The following C1orf21 variants were observed in gnomAD, a reference collection of about 807,000 sequenced individuals.
C1orf21 encodes chromosome 1 open reading frame 21, also known as uncharacterized protein C1orf21.
In C1orf21, 3 loss-of-function variants were observed where a neutral mutation model predicts 18.7. The ratio of observed to expected loss-of-function variants is 0.16; its 90% CI spans 0.07 to 0.42. The LOEUF is 0.42. Ranked by LOEUF, C1orf21 falls within the 10% of genes least tolerant of loss-of-function variation. The pLI, the probability that C1orf21 is intolerant of heterozygous loss-of-function variation, is 0.99. For synonymous variants in C1orf21, 41 were observed against 46.4 expected (o/e 0.88, Z 0.47); for missense variants, 104 against 143.6 (o/e 0.72, Z 1.41).
chr1:184,448,035 T>G (rs1418008394), intron 1 of C1orf21, among the ~76,000 whole-genome samples: 1 of 152,194 alleles, frequency 6.6e-6, no homozygotes, highest in Non-Finnish European at 1.5e-5. Context: ...ACCACCACCC[T>G]ACCCGCTTCT....
chr1:184,581,335 C>T (rs757293231), intron 3 of C1orf21, among the ~76,000 whole-genome samples: 5 of 151,408 alleles, frequency 3.3e-5, no homozygotes, highest in South Asian at 2.1e-4. Flanking sequence ...GAGGCTGAGG[C>T]GGGAGAATTG....
At chr1:184,532,736 G>T (rs1165060723) in intron 3 of C1orf21, among the ~76,000 whole-genome samples, 1 of 152,042 alleles carries the variant, frequency 6.6e-6, no homozygotes, top group African/African-American at 2.4e-5. Flanking sequence ...AACAAATCAA[G>T]AACTTGTTTC....
chr1:184,449,749 G>C (rs1657094692), intron 1 of C1orf21, among the ~76,000 whole-genome samples: 1 of 152,146 alleles, frequency 6.6e-6, no homozygotes, highest in South Asian at 2.1e-4. Flanking sequence ...TACAGTACCA[G>C]TCAAAATTAA....
intron 2 of C1orf21, among the ~76,000 whole-genome samples, chr1:184,503,403 C>G (rs1258846749): frequency 6.6e-6 from 1 of 151,810 alleles, no homozygotes; most frequent in Non-Finnish European, 1.5e-5. Context: ...AGAGTCAGCC[C>G]TAGTTATCTG....
intron 2 of C1orf21, among the ~76,000 whole-genome samples, chr1:184,495,872 C>T (rs1308776993): frequency 1.4e-5 from 2 of 141,010 alleles, no homozygotes; most frequent in African/African-American, 5.4e-5. Context: ...GAGCCAAGAT[C>T]GTGCCACTGC....
At chr1:184,426,915 C>T (rs775095467) in intron 1 of C1orf21, among the ~76,000 whole-genome samples, 8 of 152,110 alleles carry the variant, frequency 5.3e-5, no homozygotes, top group Admixed American at 1.3e-4. Context: ...TGAGACCCTC[C>T]TGTGTGCAGG....
intron 1 of C1orf21, among the ~76,000 whole-genome samples, chr1:184,417,174 A>G (rs1197397593): frequency 6.6e-6 from 1 of 152,204 alleles, no homozygotes; most frequent in Non-Finnish European, 1.5e-5. Flanking sequence ...GGGTGACTGT[A>G]GGCAAGGCAG....
intron 2 of C1orf21, among the ~76,000 whole-genome samples, chr1:184,484,371 C>A (rs1343355391): frequency 1.3e-5 from 2 of 152,326 alleles, no homozygotes; most frequent in Non-Finnish European, 2.9e-5. Context: ...GTCTTTAAAT[C>A]CTGCTTGTTT....
chr1:184,623,748 G>A lies in C1orf21; in HGVS notation c.*4192G>A, dbSNP rs1029296029. On this transcript the variant is annotated 3_prime_UTR_variant, in exon 6 of 6. Coordinates refer to ENST00000235307, the MANE Select transcript of C1orf21 (RefSeq NM_030806.4). The stretch of plus-strand genomic sequence containing the variant: ...TGAATGGATGTATTTTTCCAAGGGG[G>A]GAATAGTATCCTTGACTTTGGCAGT... The A allele has an allele frequency of 1.3e-5, 2 of 152,600 alleles. No individual in the cohort carries two copies. The highest frequency in any genetic ancestry group is 4.8e-5 in the African/African-American group (2 of 41,432). The allele number at this position is 152,600 out of a possible 1,614,324, so 9.5% of individuals were successfully genotyped here. A position where few individuals can be genotyped will look rare whatever the true frequency, so the allele number is the denominator to read the frequency against.
At chr1:184,576,601 T>C (rs186142782) in intron 3 of C1orf21, among the ~76,000 whole-genome samples, 1 of 152,360 alleles carries the variant, frequency 6.6e-6, no homozygotes, top group East Asian at 1.9e-4. Context: ...CTCTCAGGCC[T>C]CCACTACCAC....
At chr1:184,549,205 G>T (rs1325039389) in intron 3 of C1orf21, among the ~76,000 whole-genome samples, 1 of 152,148 alleles carries the variant, frequency 6.6e-6, no homozygotes, top group African/African-American at 2.4e-5. Flanking sequence ...CTGAGACTCA[G>T]TTTTGTCATC....
chr1:184,443,783 T>C (rs1241268155), intron 1 of C1orf21, among the ~76,000 whole-genome samples: 1 of 151,976 alleles, frequency 6.6e-6, no homozygotes, highest in Non-Finnish European at 1.5e-5. Context: ...ATCCCATTGG[T>C]GTGGAGTCCC....
intron 3 of C1orf21, among the ~76,000 whole-genome samples, chr1:184,550,676 A>G (rs1658800446): frequency 6.6e-6 from 1 of 152,172 alleles, no homozygotes; most frequent in East Asian, 1.9e-4. Flanking sequence ...CTGGGACTTC[A>G]GGTGCATGCC....
intron 3 of C1orf21, among the ~76,000 whole-genome samples, chr1:184,587,532 G>C (rs1354574324): frequency 1.7e-5 from 1 of 59,982 alleles, no homozygotes; most frequent in Non-Finnish European, 3.0e-5. Context: ...AATTGTGTGT[G>C]TGTGTGTGTG....
intron 1 of C1orf21, among the ~76,000 whole-genome samples, chr1:184,457,981 A>C (rs1657246656): frequency 6.6e-6 from 1 of 152,222 alleles, no homozygotes; most frequent in African/African-American, 2.4e-5. Flanking sequence ...TCTCAGAATG[A>C]TCCTGTAAGG....
At chr1:184,609,935 A>C (rs1008150618) in intron 5 of C1orf21, among the ~76,000 whole-genome samples, 1 of 152,240 alleles carries the variant, frequency 6.6e-6, no homozygotes, top group African/African-American at 2.4e-5. Flanking sequence ...CAATGTTTTC[A>C]TGTTTGTAAA....
At chr1:184,523,546 A>T (rs539900774) in intron 3 of C1orf21, among the ~76,000 whole-genome samples, 5 of 152,308 alleles carry the variant, frequency 3.3e-5, no homozygotes, top group Admixed American at 6.5e-5. Context: ...TGGTGTCTTA[A>T]ATGGGATCCT....
At chr1:184,478,340 A>G (rs1657602616) in intron 2 of C1orf21, among the ~76,000 whole-genome samples, 1 of 152,224 alleles carries the variant, frequency 6.6e-6, no homozygotes, top group Non-Finnish European at 1.5e-5. Flanking sequence ...AAATGACTTT[A>G]GGATATCTAG....
At position 184,387,729 on chromosome 1, in the gene C1orf21, C is replaced by A. The variant is rs1258469065; in HGVS notation, c.-125+361C>A. On this transcript the variant is annotated intron_variant, in intron 1 of 5. Coordinates refer to ENST00000235307, the MANE Select transcript of C1orf21 (RefSeq NM_030806.4). The surrounding 1 kb of genome is among the most constrained non-coding windows in gnomAD (Gnocchi z 5.6). Reference sequence around the variant, plus strand: ...CCCTCCCTTCCCACCCGCACCCTGCCGCCCTCAGCCTTCCTGCTCTCCTCT... The same window carrying A: ...CCCTCCCTTCCCACCCGCACCCTGCAGCCCTCAGCCTTCCTGCTCTCCTCT... 6.6e-6 allele frequency among the ~76,000 whole-genome samples: 1 copy of A among 152,182 alleles called. No individual in the cohort carries two copies. The highest frequency in any genetic ancestry group is 2.4e-5 in the African/African-American group (1 of 41,450).
Sources: allele counts gnomAD v4.1 joint callset (sites outside exome capture counted in the v4.1 genomes callset), GRCh38; gene constraint gnomAD v4.1.1; non-coding constraint Gnocchi (gnomAD v3.1); transcripts MANE v1.5; gene names NCBI Gene and HGNC (gene_info 2026-07-23, HGNC 2026-07-21).